HDLBP: variants seen among roughly 807,000 people sequenced by gnomAD.
HDLBP encodes the protein high density lipoprotein binding protein, also known as vigilin.
A neutral mutation model predicts 137.3 loss-of-function variants in HDLBP; 30 were observed. The observed-to-expected ratio is 0.22, with a 90% CI of 0.16 to 0.30. The LOEUF (loss-of-function observed/expected upper bound fraction) is 0.30. Ranked by LOEUF, HDLBP falls within the 10% of genes least tolerant of loss-of-function variation. HDLBP has a pLI of 1.00. For missense variants in HDLBP, 1,119 were observed against 1,667.3 expected, an observed-to-expected ratio of 0.67 and a Z score of 5.73; for synonymous variants, 606 against 596.0, an observed-to-expected ratio of 1.02 and a Z score of -0.24.
At chr2:241,251,436 CCACAG>C in intron 11 of HDLBP, among the ~76,000 whole-genome samples, 1 of 152,322 alleles carries the variant, frequency 6.6e-6, no homozygotes, top group South Asian at 2.1e-4. Context: ...ATTGCACAGG[CCACAG>C]CACAGCTGCC....
At chr2:241,236,206 G>A (rs547489810) in intron 21 of HDLBP, 170 of 238,250 alleles carry the variant, frequency 7.1e-4, no homozygotes, top group Non-Finnish European at 1.0e-3. Flanking sequence ...ACTGAGAGCA[G>A]CATCCAGTAC....
rs2070865564 is a variant in HDLBP at position 241,238,762 on chromosome 2, G to C, written c.2636C>G (p.Ala879Gly). The C allele has an allele frequency of 6.4e-7, 1 of 1,562,842 alleles. No homozygotes were observed. Among genetic ancestry groups the C allele is most frequent in the Admixed American group, 1.8e-5 (1 of 56,116 alleles). ...AGATCGATGGAATTTCTGGGGTATA[G>C]CACATTCTAATGTCACCTGAGCTTC... is the stretch of plus-strand genomic sequence containing the variant. ...DLEAQVTLEC[A>G]IPQKFHRSVM... The change falls in exon 20 of 28, where the codon GCT becomes GGT. Residue 879 changes from alanine (A) to glycine (G), a missense_variant. Transcript: ENST00000310931. The surrounding 1 kb of genome is among the most constrained non-coding windows in gnomAD (Gnocchi z 4.9).
intron 21 of HDLBP, 109 bp downstream of exon 21, chr2:241,236,506 C>G: frequency 1.8e-6 from 2 of 1,108,000 alleles, no homozygotes; most frequent in Non-Finnish European, 2.7e-6. Context: ...GCTACCTCCA[C>G]TGCCACTGCC....
At chr2:241,258,579 A>G (rs1328396323) in intron 5 of HDLBP, among the ~76,000 whole-genome samples, 2 of 151,992 alleles carry the variant, frequency 1.3e-5, no homozygotes, top group Admixed American at 1.3e-4. Flanking sequence ...AAAAAGTGAA[A>G]CTCAATCAGT....
intron 1 of HDLBP, among the ~76,000 whole-genome samples, chr2:241,301,305 A>C (rs2075389591): frequency 6.6e-6 from 1 of 151,990 alleles, no homozygotes; most frequent in South Asian, 2.1e-4. Flanking sequence ...ACTGATTTAA[A>C]CCAATGCTAT....
chr2:241,301,217 G>A (rs1442503466), intron 1 of HDLBP, among the ~76,000 whole-genome samples: 1 of 150,146 alleles, frequency 6.7e-6, no homozygotes, highest in Non-Finnish European at 1.5e-5. Flanking sequence ...TCGATCTCCT[G>A]ACCTCGTGAT....
At chr2:241,248,377 T>C (rs1315854532) in intron 12 of HDLBP, 29 bp from the exon 13 acceptor site, 4 of 1,556,984 alleles carry the variant, frequency 2.6e-6, no homozygotes, top group Admixed American at 1.7e-5. Context: ...TAGATGTCAT[T>C]TATCACAAGC....
At chr2:241,273,059 C>T in intron 1 of HDLBP, 1 of 985,520 alleles carries the variant, frequency 1.0e-6, no homozygotes, top group Non-Finnish European at 1.2e-6. Context: ...AGGGAGCGCG[C>T]CCCGCAAGAA....
chr2:241,258,459 G>C (rs1365837189), intron 5 of HDLBP, among the ~76,000 whole-genome samples: 1 of 151,972 alleles, frequency 6.6e-6, no homozygotes, highest in Non-Finnish European at 1.5e-5. Flanking sequence ...AGGAGGTTGA[G>C]GCTCCGGTGA....
At chr2:241,241,928 G>A (rs912629553) in intron 17 of HDLBP, among the ~76,000 whole-genome samples, 1 of 152,202 alleles carries the variant, frequency 6.6e-6, no homozygotes, top group Non-Finnish European at 1.5e-5. Context: ...ACGTGAAAGT[G>A]CTTTTTTCCT....
chr2:241,276,511 A>G (rs2074391705), intron 1 of HDLBP, among the ~76,000 whole-genome samples: 2 of 152,206 alleles, frequency 1.3e-5, no homozygotes, highest in Non-Finnish European at 2.9e-5. Flanking sequence ...ATTCAAACCC[A>G]TCAGTAATCT....
chr2:241,236,903 C>CA, intron 20 of HDLBP, 134 bp from the exon 21 acceptor site: 1 of 802,090 alleles, frequency 1.2e-6, no homozygotes, highest in Non-Finnish European at 1.9e-6. Context: ...TCCTGTCCTT[C>CA]AGGAGGTCTT....
At position 241,236,710 on chromosome 2, in the gene HDLBP, C is replaced by T; in HGVS notation, c.2809G>A (p.Ala937Thr). 6.2e-7 allele frequency: 1 copy of T among 1,614,148 alleles called. No homozygotes were observed. Among genetic ancestry groups the T allele is most frequent in the Non-Finnish European group, 8.5e-7 (1 of 1,179,990 alleles). Residue 937 changes from alanine (A) to threonine (T), a missense_variant, in exon 21 of 28, where the codon GCT becomes ACT. Coordinates refer to ENST00000310931, the MANE Select transcript of HDLBP (RefSeq NM_005336.6). ...GGAGAGCCGGGGTCACAATCTTTAG[C>T]CTCTCTCCCCTCCCCAGCTTCGTCC... The part of the protein sequence containing the change: ...NGDEAGEGRE[A>T]KDCDPGSPRR...
Position 241,238,603 on chromosome 2 carries a change from G to A in HDLBP, c.2749+46C>T. On this transcript the variant is annotated intron_variant, in intron 20 of 27. Transcript: ENST00000310931. The surrounding 1 kb of genome is among the most constrained non-coding windows in gnomAD (Gnocchi z 4.9). ...TGCGACAGCCCCGCCTCTCACATGG[G>A]AGGCGCCACTATTAACAAGCAGAGC... 7.0e-7 allele frequency: 1 copy of A among 1,426,914 alleles called. No homozygotes were observed. The highest frequency in any genetic ancestry group is 9.3e-7 in the Non-Finnish European group (1 of 1,070,488). The allele number at this position is 1,426,914 out of a possible 1,614,324, so 88.4% of individuals were successfully genotyped here. A position where few individuals can be genotyped will look rare whatever the true frequency, so the allele number is the denominator to read the frequency against.
In HDLBP at chr2:241,247,989, T is replaced by A. The variant is rs761382701; in HGVS notation, c.1731+14A>T. ...AGGTGCTGTCATACAAGAAAGGATG[T>A]GAAACACCCCTACCAGATCTGCCAC... On this transcript the variant is annotated intron_variant, in intron 14 of 27. Transcript: ENST00000310931. 6.3e-7 allele frequency: 1 copy of A among 1,586,668 alleles called. No homozygotes were observed. Among genetic ancestry groups the A allele is most frequent in the African/African-American group, 1.3e-5 (1 of 74,348 alleles).
chr2:241,287,416 C>CT (rs1462649176), intron 1 of HDLBP, among the ~76,000 whole-genome samples: 9 of 140,488 alleles, frequency 6.4e-5, no homozygotes, highest in Non-Finnish European at 9.1e-5. Context: ...CTATTTCTTT[C>CT]TTTCTTTTTT....
intron 5 of HDLBP, among the ~76,000 whole-genome samples, chr2:241,258,569 A>G (rs547402805): frequency 6.6e-6 from 1 of 152,126 alleles, no homozygotes; most frequent in Non-Finnish European, 1.5e-5. Flanking sequence ...GCCGTATGGA[A>G]AAAAGTGAAA....
chr2:241,229,612 G>C lies in HDLBP; in HGVS notation c.3796C>G (p.Pro1266Ala). ...GTTCTTTTTGATCATTATCGTTTGG[G>C]GCCCCAAGGGAGGGTCTTGGGAGCC... is the stretch of plus-strand genomic sequence containing the variant. ...QVAPKTLPWG[P>A]KR Residue 1266 changes from proline (P) to alanine (A), a missense_variant, in exon 28 of 28, where the codon CCC becomes GCC. Around this residue, in one of 4 missense-constraint regions of HDLBP, gnomAD observed 618 missense variants for 816.7 expected, o/e 0.76. Transcript: ENST00000310931. 6.2e-7 allele frequency: 1 copy of C among 1,613,664 alleles called. No homozygotes were observed. Among genetic ancestry groups the C allele is most frequent in the Non-Finnish European group, 8.5e-7 (1 of 1,179,686 alleles).
chr2:241,311,482 G>A (rs753822094), intron 1 of HDLBP, among the ~76,000 whole-genome samples: 2 of 152,222 alleles, frequency 1.3e-5, no homozygotes, highest in Non-Finnish European at 1.5e-5. Flanking sequence ...AGTGAGGAGA[G>A]TTACAGGAAG....
Sources: gnomAD v4.1 joint callset for allele counts (sites outside exome capture counted in the v4.1 genomes callset) on GRCh38, gnomAD v4.1.1 for gene constraint, gnomAD v4.1.1 regional missense constraint, Gnocchi (gnomAD v3.1) non-coding constraint, MANE v1.5 for transcripts, NCBI Gene and HGNC (gene_info 2026-07-23, HGNC 2026-07-21) for gene names.